Variants in XRCC6 observed in about 807,000 individuals in gnomAD.
XRCC6 encodes the protein X-ray repair cross complementing 6, also known as DNA repair protein Ku70.
XRCC6 carries 5 observed loss-of-function variants against 65.7 expected under a neutral mutation model. That is an observed-to-expected ratio of 0.08 (90% CI 0.04 to 0.16). The LOEUF is 0.16. Among genes scored for constraint, XRCC6 ranks in the 10% least tolerant of loss-of-function variants. The pLI, the probability that XRCC6 is intolerant of heterozygous loss-of-function variation, is 1.00. For synonymous variants in XRCC6, 270 were observed against 270.6 expected (o/e 1.00, Z 0.02); for missense variants, 447 against 738.1 (o/e 0.61, Z 4.57).
In XRCC6 at chr22:41,655,184, A is replaced by C. The variant is rs2068033515; in HGVS notation, c.1291+1494A>C. ...CTGGCAGTTTGGATATACTAAAGAG[A>C]AAGTCATAAAGTGCTTCCTTTAAAT... is the stretch of plus-strand genomic sequence containing the variant. On this transcript the variant is annotated intron_variant, in intron 9 of 12. Coordinates refer to ENST00000360079, the MANE Select transcript of XRCC6 (RefSeq NM_001469.5). 3.3e-5 allele frequency among the ~76,000 whole-genome samples: 5 copies of C among 152,182 alleles called. No individual in the cohort carries two copies. In the South Asian group the frequency reaches 1.0e-3, roughly 32 times the overall value.
intron 6 of XRCC6, among the ~76,000 whole-genome samples, chr22:41,643,434 T>G (rs1263495530): frequency 6.6e-6 from 1 of 151,416 alleles, no homozygotes; most frequent in Non-Finnish European, 1.5e-5. Flanking sequence ...CAAAAAAGTG[T>G]TAAAGCTGTA....
intron 3 of XRCC6, among the ~76,000 whole-genome samples, chr22:41,631,004 G>A (rs1376647432): frequency 1.3e-5 from 2 of 152,096 alleles, no homozygotes; most frequent in African/African-American, 2.4e-5. Context: ...GGTGGTGGCT[G>A]GGCAGAGGGG....
chr22:41,633,143 T>C (rs1359479368), intron 3 of XRCC6, among the ~76,000 whole-genome samples: 1 of 151,730 alleles, frequency 6.6e-6, no homozygotes, highest in Non-Finnish European at 1.5e-5. Flanking sequence ...AAAAAGTGTA[T>C]GTAAAATAAA....
chr22:41,656,564 C>T (rs975985943), intron 9 of XRCC6, among the ~76,000 whole-genome samples: 1 of 144,410 alleles, frequency 6.9e-6, no homozygotes, highest in African/African-American at 2.9e-5. Flanking sequence ...AATTTATGAA[C>T]GTATGACATG....
At chr22:41,649,139 A>AAATATATATATATAT in intron 7 of XRCC6, among the ~76,000 whole-genome samples, 1 of 88,734 alleles carries the variant, frequency 1.1e-5, no homozygotes, top group African/African-American at 4.6e-5. Flanking sequence ...AAAAAAAAAA[A>AAATATATATATATAT]ATATATATAT....
At chr22:41,663,390 C>A (rs569623400) in intron 12 of XRCC6, among the ~76,000 whole-genome samples, 9 of 152,284 alleles carry the variant, frequency 5.9e-5, no homozygotes, top group Admixed American at 2.6e-4. Context: ...TTTGGGTAAA[C>A]TGATGGCATT....
At chr22:41,637,363 A>G (rs1181566711) in intron 5 of XRCC6, among the ~76,000 whole-genome samples, 1 of 152,116 alleles carries the variant, frequency 6.6e-6, no homozygotes, top group Non-Finnish European at 1.5e-5. Flanking sequence ...GGGATGACAG[A>G]TGTGAGCCAC....
intron 9 of XRCC6, 117 bp downstream of exon 9, chr22:41,653,807 T>A: frequency 1.5e-6 from 2 of 1,303,422 alleles, no homozygotes; most frequent in Non-Finnish European, 2.1e-6. Context: ...CTTAAAAATG[T>A]CTATTTTTAA....
chr22:41,659,746 G>T (rs181787169), intron 11 of XRCC6, among the ~76,000 whole-genome samples: 124 of 152,208 alleles, frequency 8.1e-4, no homozygotes. Flanking sequence ...GTGCAGTGGT[G>T]GGATCTCGGC....
chr22:41,636,210 A>C lies in XRCC6; in HGVS notation c.293A>C (p.Asn98Thr), dbSNP rs903145339. ...YGTEKDKNSV[N>T]FKNIYVLQEL... ...ACCGAGAAAGACAAAAATTCAGTGA[A>C]TTTTAAAAATATTTACGTCTTACAG... Residue 98 changes from asparagine (N) to threonine (T), a missense_variant, in exon 4 of 13, where the codon AAT (asparagine) becomes ACT (threonine). Transcript: ENST00000360079. The C allele has an allele frequency of 9.3e-6, 15 of 1,604,988 alleles. No individual in the cohort carries two copies. In the African/African-American group the frequency reaches 1.2e-4, roughly 13 times the overall value.
At chr22:41,628,259 T>C (rs1295663859) in intron 3 of XRCC6, 29 bp downstream of exon 3, 1 of 1,582,646 alleles carries the variant, frequency 6.3e-7, no homozygotes, top group South Asian at 1.1e-5. Flanking sequence ...TTAAGACAAA[T>C]TTAAAAACAG....
intron 6 of XRCC6, among the ~76,000 whole-genome samples, chr22:41,642,543 G>A (rs767649202): frequency 8.5e-4 from 130 of 152,184 alleles, no homozygotes; most frequent in Non-Finnish European, 1.6e-3. Flanking sequence ...ATGTGCTGGA[G>A]AATTTCCCGG....
At chr22:41,651,864 A>G (rs1303450472) in intron 8 of XRCC6, among the ~76,000 whole-genome samples, 1 of 151,778 alleles carries the variant, frequency 6.6e-6, no homozygotes, top group East Asian at 1.9e-4. Context: ...GCTCACTGCA[A>G]TCTCCGTCCC....
chr22:41,628,151 T>C lies in XRCC6; in HGVS notation c.116T>C (p.Ile39Thr). 1 of 1,612,016 alleles carries C rather than the reference T, an allele frequency of 6.2e-7. No individual in the cohort carries two copies. Among genetic ancestry groups the C allele is most frequent in the Non-Finnish European group, 8.5e-7 (1 of 1,178,738 alleles). Reference sequence around the variant, plus strand: ...AAATATTCAGGAAGAGATAGTTTGATTTTTTTGGTTGATGCCTCCAAGGCT... The same window carrying C: ...AAATATTCAGGAAGAGATAGTTTGACTTTTTTGGTTGATGCCTCCAAGGCT... Reference protein sequence around the residue: ...DYKYSGRDSLIFLVDASKAMF... With the variant: ...DYKYSGRDSLTFLVDASKAMF... The change falls in exon 3 of 13, where the codon ATT becomes ACT. Residue 39 changes from isoleucine to threonine, a missense_variant. Coordinates refer to ENST00000360079, the MANE Select transcript of XRCC6 (RefSeq NM_001469.5).
intron 6 of XRCC6, among the ~76,000 whole-genome samples, chr22:41,643,002 C>G (rs1199953249): frequency 6.6e-6 from 1 of 152,190 alleles, no homozygotes; most frequent in East Asian, 1.9e-4. Context: ...CGGTGTGAAC[C>G]TGTATATCTT....
chr22:41,633,700 G>T (rs1309307907), intron 3 of XRCC6, among the ~76,000 whole-genome samples: 1 of 151,992 alleles, frequency 6.6e-6, no homozygotes, highest in East Asian at 1.9e-4. Flanking sequence ...CCTCTTTGAG[G>T]ATATGATGAC....
At chr22:41,625,580 T>A (rs1168174438) in intron 2 of XRCC6, among the ~76,000 whole-genome samples, 1 of 152,186 alleles carries the variant, frequency 6.6e-6, no homozygotes, top group Non-Finnish European at 1.5e-5. Context: ...TATGATAAAG[T>A]CATGCTGAAG....
chr22:41,627,636 G>A (rs1569079374), intron 2 of XRCC6, among the ~76,000 whole-genome samples: 1 of 150,256 alleles, frequency 6.7e-6, no homozygotes, highest in Non-Finnish European at 1.5e-5. Flanking sequence ...AAAAATAGAG[G>A]CCTGGTGGGG....
intron 9 of XRCC6, among the ~76,000 whole-genome samples, chr22:41,655,312 A>G (rs1205625538): frequency 7.2e-5 from 11 of 151,920 alleles, no homozygotes. Flanking sequence ...TTGTTAAGGG[A>G]AAAAATTCAT....
Sources: allele counts gnomAD v4.1 joint callset (sites outside exome capture counted in the v4.1 genomes callset), GRCh38; gene constraint gnomAD v4.1.1; transcripts MANE v1.5; gene names NCBI Gene and HGNC (gene_info 2026-07-23, HGNC 2026-07-21).